Variants in MRPS2 observed in about 807,000 individuals in gnomAD.
MRPS2 encodes mitochondrial ribosomal protein S2.
MRPS2 carries 13 observed loss-of-function variants against 18.9 expected under a neutral mutation model. That is an observed-to-expected ratio of 0.69 (90% CI 0.45 to 1.09). MRPS2 has a LOEUF of 1.09. MRPS2 is among the 50% of genes least tolerant of loss of function. MRPS2 has a pLI of 0.00. For synonymous variants in MRPS2, 186 were observed against 178.4 expected, an observed-to-expected ratio of 1.04 and a Z score of -0.34; for missense variants, 389 against 421.7, an observed-to-expected ratio of 0.92 and a Z score of 0.68.
At position 135,504,293 on chromosome 9, in the gene MRPS2, G is replaced by A. The variant is rs756908742; in HGVS notation, c.*160G>A. ...TCCACCACAGAACCAGTGGCTGAGCGGACCAACGTTGCCATGTGCGTTTGC... is the reference window on the plus strand; with the variant it reads ...TCCACCACAGAACCAGTGGCTGAGCAGACCAACGTTGCCATGTGCGTTTGC... On this transcript the variant is annotated 3_prime_UTR_variant, in exon 4 of 4. Transcript: ENST00000241600. This position sits in a 1 kb window ranked among gnomAD's most constrained non-coding sequence, Gnocchi z 4.3. 106 of 706,032 alleles carry A rather than the reference G, an allele frequency of 1.5e-4. No homozygotes were observed. The highest frequency in any genetic ancestry group is 2.3e-4 in the South Asian group (12 of 52,682). 43.7% of individuals were successfully genotyped at this position (706,032 alleles called of 1,614,324 possible). A position where few individuals can be genotyped will look rare whatever the true frequency, so the allele number is the denominator to read the frequency against.
Position 135,503,811 on chromosome 9 carries a change from C to G in MRPS2, c.569C>G (p.Pro190Arg), listed in dbSNP as rs142193869. ...CTCTTTGGCCCCACGGTCCGCCTGC[C>G]GGACCTCATCATCTTCCTGCACACG... ...RLLFGPTVRL[P>R]DLIIFLHTLN... is the part of the protein sequence containing the mutation. The change falls in exon 4 of 4, where the codon CCG (proline) becomes CGG (arginine). Residue 190 changes from proline (P) to arginine (R), a missense_variant. By Grantham distance (103) the Pro-to-Arg change is moderately radical. Transcript: ENST00000241600. 1 of 1,613,336 alleles carries G rather than the reference C, an allele frequency of 6.2e-7. No homozygotes were observed. The highest frequency in any genetic ancestry group is 8.5e-7 in the Non-Finnish European group (1 of 1,179,974).
chr9:135,501,222 G>C, intron 2 of MRPS2, 99 bp downstream of exon 2: 1 of 1,450,570 alleles, frequency 6.9e-7, no homozygotes, highest in Non-Finnish European at 9.0e-7. Context: ...GCACGCGGTC[G>C]AAACTGCGCG....
At position 135,501,141 on chromosome 9, in the gene MRPS2, G is replaced by A. The variant is rs1831115669; in HGVS notation, c.169+18G>A. ...CAGCACCGGTAACACTGGGCGCCCAGCCGAGTTGGGTGGGAACGAGGAGAG... is the reference window on the plus strand; with the variant it reads ...CAGCACCGGTAACACTGGGCGCCCAACCGAGTTGGGTGGGAACGAGGAGAG... On this transcript the variant is annotated intron_variant, in intron 2 of 3. Coordinates refer to ENST00000241600, the MANE Select transcript of MRPS2 (RefSeq NM_016034.5). The A allele has an allele frequency of 2.5e-6, 4 of 1,572,254 alleles. No homozygotes were observed. The highest frequency in any genetic ancestry group is 2.3e-5 in the South Asian group (2 of 87,440).
chr9:135,503,338 G>A, intron 3 of MRPS2: 1 of 1,424,218 alleles, frequency 7.0e-7, no homozygotes, highest in Non-Finnish European at 9.2e-7. Context: ...TAAGCCACGA[G>A]ACGAGGCATG....
At chr9:135,502,341 G>GTCATT (rs1201044067) in intron 3 of MRPS2, 2 of 728,460 alleles carry the variant, frequency 2.7e-6, no homozygotes, top group Non-Finnish European at 3.5e-6. Flanking sequence ...TTCTCACATG[G>GTCATT]TCATTTTGAC....
At chr9:135,501,637 A>G (rs1831139626) in intron 2 of MRPS2, 6 of 1,386,194 alleles carry the variant, frequency 4.3e-6, no homozygotes, top group Non-Finnish European at 4.7e-6. Context: ...ACCCAGGAGC[A>G]AGGTCGGGAT....
chr9:135,503,002 G>A (rs1039988425), intron 3 of MRPS2: 4 of 628,106 alleles, frequency 6.4e-6, no homozygotes, highest in Non-Finnish European at 7.9e-6. Context: ...CGCCTGTCAC[G>A]CACCGAGAGG....
chr9:135,502,762 A>G lies in MRPS2; in HGVS notation c.300-780A>G, dbSNP rs181195156. 236 of 152,886 alleles carry G rather than the reference A, an allele frequency of 1.5e-3. 1 individual carries two copies. The highest frequency in any genetic ancestry group is 5.3e-3 in the African/African-American group (222 of 41,566). The allele number at this position is 152,886 out of a possible 1,614,324, so 9.5% of individuals were successfully genotyped here. ...TCCAGAGCATCGGAAAAGGAGGTCC[A>G]AGGTGGAGCCCTGGGTGCTCCAGTG... On this transcript the variant is annotated intron_variant, in intron 3 of 3. Transcript: ENST00000241600.
upstream of MRPS2, chr9:135,500,478 C>A: frequency 2.2e-6 from 1 of 463,138 alleles, no homozygotes; most frequent in Non-Finnish European, 3.7e-6. Context: ...GCGGGGCGAG[C>A]TGCAGGGCGA....
chr9:135,500,899 ACCCGTTAGGGACGCGGAGGGG>A, intron 1 of MRPS2, 78 bp from the exon 2 acceptor site: 1 of 1,568,936 alleles, frequency 6.4e-7, no homozygotes, highest in Non-Finnish European at 8.7e-7. Context: ...CGCGGAGGGG[ACCCGTTAGGGACGCGGAGGGG>A]CCCGTTGGGG....
Position 135,504,185 on chromosome 9 carries a change from G to T in MRPS2, c.*52G>T. 1.4e-6 allele frequency: 2 copies of T among 1,464,452 alleles called. No homozygotes were observed. The highest frequency in any genetic ancestry group is 1.8e-6 in the Non-Finnish European group (2 of 1,099,942). 90.7% of individuals were successfully genotyped at this position (1,464,452 alleles called of 1,614,324 possible). A position where few individuals can be genotyped will look rare whatever the true frequency, so the allele number is the denominator to read the frequency against. ...ACAGCCAAGCCTGTCTGAGCTGGGA[G>T]TCCCCTTCCCCAGCCCTGGGTCAGC... On this transcript the variant is annotated 3_prime_UTR_variant, in exon 4 of 4. Coordinates refer to ENST00000241600, the MANE Select transcript of MRPS2 (RefSeq NM_016034.5). The surrounding 1 kb of genome is among the most constrained non-coding windows in gnomAD (Gnocchi z 4.3).
chr9:135,500,777 TG>T, intron 1 of MRPS2, 24 bp downstream of exon 1: 1 of 1,483,050 alleles, frequency 6.7e-7, no homozygotes, highest in Non-Finnish European at 8.9e-7. Flanking sequence ...TGCGGGACCC[TG>T]GGGAGGAGCA....
intron 2 of MRPS2, chr9:135,501,545 C>T: frequency 1.1e-6 from 1 of 943,282 alleles, no homozygotes; most frequent in Non-Finnish European, 1.4e-6. Flanking sequence ...AAGACCTGAG[C>T]AACCCGCTGG....
chr9:135,504,145 C>A lies in MRPS2; in HGVS notation c.*12C>A. ...GCCATTCCCTGTGATGTTCACTCTC[C>A]TCCCAAAGCAAACCACAGCCAAGCC... On this transcript the variant is annotated 3_prime_UTR_variant, in exon 4 of 4. Coordinates refer to ENST00000241600, the MANE Select transcript of MRPS2 (RefSeq NM_016034.5). The surrounding 1 kb of genome is among the most constrained non-coding windows in gnomAD (Gnocchi z 4.3). 1 of 1,568,316 alleles carries A rather than the reference C, an allele frequency of 6.4e-7. No individual in the cohort carries two copies. The highest frequency in any genetic ancestry group is 1.2e-5 in the South Asian group (1 of 85,178).
chr9:135,500,027 C>A, upstream of MRPS2: 1 of 699,002 alleles, frequency 1.4e-6, no homozygotes, highest in Non-Finnish European at 2.2e-6. Context: ...GTCGGGACGG[C>A]GAGAGATTCC....
At position 135,503,982 on chromosome 9, in the gene MRPS2, A is replaced by G. The variant is rs757035832; in HGVS notation, c.740A>G (p.His247Arg). ...AATGACGACTCTCCGCTGGCTGTGC[A>G]CCTCTACTGCAGGCTCTTCCAGACG... ...PGNDDSPLAV[H>R]LYCRLFQTAI... Residue 247 changes from histidine to arginine, a missense_variant, in exon 4 of 4, where the codon CAC (histidine) becomes CGC (arginine). By Grantham distance (29) the His-to-Arg change is conservative. Coordinates refer to ENST00000241600, the MANE Select transcript of MRPS2 (RefSeq NM_016034.5). 5.6e-6 allele frequency: 9 copies of G among 1,613,476 alleles called. No individual in the cohort carries two copies. Among genetic ancestry groups the G allele is most frequent in the Admixed American group, 1.7e-5 (1 of 60,008 alleles).
upstream of MRPS2, chr9:135,500,100 C>A (rs1311324570): frequency 1.6e-5 from 8 of 506,074 alleles, no homozygotes; most frequent in African/African-American, 1.6e-4. Flanking sequence ...GACCGGGCCA[C>A]CCCAGCATCA....
chr9:135,501,101 C>T lies in MRPS2; in HGVS notation c.147C>T (p.Ile49=), dbSNP rs554868254. The change falls in exon 2 of 4, where the codon ATC becomes ATT. Residue 49 remains isoleucine (I), a synonymous_variant. Coordinates refer to ENST00000241600, the MANE Select transcript of MRPS2 (RefSeq NM_016034.5). The part of the protein sequence containing the change: ...RTLGSATALM[I]RESEDSTDFN... ...TTGGAAGCGCGACGGCCCTTATGATCCGCGAGTCGGAGGACAGCACCGGTA... is the reference window on the plus strand; with the variant it reads ...TTGGAAGCGCGACGGCCCTTATGATTCGCGAGTCGGAGGACAGCACCGGTA... 6.2e-7 allele frequency: 1 copy of T among 1,603,706 alleles called. No individual in the cohort carries two copies. Among genetic ancestry groups the T allele is most frequent in the Admixed American group, 1.7e-5 (1 of 59,116 alleles).
rs766013742 is a variant in MRPS2, at chr9:135,504,102, C to A, written c.860C>A (p.Pro287His). 3 of 1,610,116 alleles carry A rather than the reference C, an allele frequency of 1.9e-6. No individual in the cohort carries two copies. The highest frequency in any genetic ancestry group is 2.7e-5 in the African/African-American group (2 of 75,022). Residue 287 changes from proline (P) to histidine (H), a missense_variant, in exon 4 of 4, where the codon CCT becomes CAT. Coordinates refer to ENST00000241600, the MANE Select transcript of MRPS2 (RefSeq NM_016034.5). The surrounding 1 kb of genome is among the most constrained non-coding windows in gnomAD (Gnocchi z 4.3). ...CCCGGGGACCAGGGGCCAGCCCACC[C>A]TCCTGGGGCTGACATGAGCCATTCC... ...KEPGDQGPAH[P>H]PGADMSHSL is the part of the protein sequence containing the mutation.
Sources: gnomAD v4.1 joint callset for allele counts on GRCh38, gnomAD v4.1.1 for gene constraint, Gnocchi (gnomAD v3.1) non-coding constraint, MANE v1.5 for transcripts, NCBI Gene and HGNC (gene_info 2026-07-23, HGNC 2026-07-21) for gene names.